Variants in CCDC51 observed in about 807,000 individuals in gnomAD.
CCDC51 encodes coiled-coil domain containing 51.
In CCDC51, 25 loss-of-function variants were observed where a neutral mutation model predicts 24.8. That is an observed-to-expected ratio of 1.01 (90% CI 0.73 to 1.41). CCDC51 has a LOEUF of 1.41. CCDC51 is among the 40% of genes most tolerant of loss of function. CCDC51 has a pLI of 0.00. For missense variants in CCDC51, 466 were observed against 519.1 expected (o/e 0.90, Z 0.99); for synonymous variants, 190 against 204.3 (o/e 0.93, Z 0.60).
the CCDC51 span, chr3:48,446,361 G>C: frequency 6.5e-6 from 1 of 153,884 alleles, no homozygotes; most frequent in African/African-American, 2.4e-5. Flanking sequence ...CCTCAAGAAA[G>C]CCTAGGGGTT....
At chr3:48,438,849 G>C (rs1343542182) in intron 1 of CCDC51, among the ~76,000 whole-genome samples, 1 of 152,160 alleles carries the variant, frequency 6.6e-6, no homozygotes, top group Non-Finnish European at 1.5e-5. Context: ...GTAAAAGCCT[G>C]TCTTTTCCAT....
chr3:48,443,727 C>A, upstream of CCDC51: 1 of 648,390 alleles, frequency 1.5e-6, no homozygotes, highest in Non-Finnish European at 2.5e-6. Context: ...GCTATCCATG[C>A]TTGTGTTAAA....
At chr3:48,442,742 G>A (rs1276282831), upstream of CCDC51, among the ~76,000 whole-genome samples, 1 of 152,002 alleles carries the variant, frequency 6.6e-6, no homozygotes, top group Admixed American at 6.5e-5. Flanking sequence ...GAGCCACCGC[G>A]CCTGGCCCAA....
chr3:48,440,513 G>C, upstream of CCDC51: 1 of 1,607,114 alleles, frequency 6.2e-7, no homozygotes, highest in Non-Finnish European at 8.5e-7. Context: ...AGACAGGCCT[G>C]AGTTGAACAC....
intron 2 of CCDC51, 99 bp downstream of exon 2, chr3:48,434,718 A>C: frequency 8.9e-7 from 1 of 1,129,420 alleles, no homozygotes; most frequent in Non-Finnish European, 1.3e-6. Flanking sequence ...AAATGAGGCT[A>C]AACACAAGTC....
chr3:48,446,477 G>C, the CCDC51 span: 1 of 184,604 alleles, frequency 5.4e-6, no homozygotes, highest in East Asian at 1.4e-4. Context: ...TGCTAGGGCA[G>C]GCTGCTCCTG....
At chr3:48,441,812 G>A (rs1293429514), upstream of CCDC51, among the ~76,000 whole-genome samples, 1 of 152,196 alleles carries the variant, frequency 6.6e-6, no homozygotes, top group East Asian at 1.9e-4. Flanking sequence ...GCCATGCTAG[G>A]CATGATGGAG....
upstream of CCDC51, chr3:48,440,530 C>T (rs377434242): frequency 6.2e-7 from 1 of 1,609,648 alleles, no homozygotes; most frequent in African/African-American, 1.3e-5. Flanking sequence ...ACACGCTCTG[C>T]CTCTCCCCAG....
In CCDC51 at chr3:48,433,118, G is replaced by A. The variant is rs1345454784; in HGVS notation, c.526C>T (p.Arg176Ter). The A allele has an allele frequency of 5.0e-6, 8 of 1,613,652 alleles. No individual in the cohort carries two copies. Among genetic ancestry groups the A allele is most frequent in the South Asian group, 1.1e-5 (1 of 91,088 alleles). ...TAYLRAEDSEREKFSLFSAAV... is the reference protein window; with the variant it reads ...TAYLRAEDSE ...GCAGAGAAGAGGGAGAACTTCTCTCGCTCAGAGTCTTCTGCACGCAGATAG... is the reference window on the plus strand; with the variant it reads ...GCAGAGAAGAGGGAGAACTTCTCTCACTCAGAGTCTTCTGCACGCAGATAG... The change falls in exon 4 of 4, where the codon CGA becomes TGA. Residue 176 changes from arginine (R) to a stop codon, truncating the protein, a stop_gained. Transcript: ENST00000395694. LOFTEE classifies it high-confidence loss of function. The surrounding 1 kb of genome is among the most constrained non-coding windows in gnomAD (Gnocchi z 4.4).
At chr3:48,444,053 CTCA>C (rs1424435341), upstream of CCDC51, 4 of 440,138 alleles carry the variant, frequency 9.1e-6, no homozygotes, top group South Asian at 7.2e-5. Flanking sequence ...CTTACAGTGG[CTCA>C]TCATCTCTTT....
At chr3:48,442,094 T>TGGCGGC (rs918372289), upstream of CCDC51, among the ~76,000 whole-genome samples, 2 of 152,034 alleles carry the variant, frequency 1.3e-5, no homozygotes, top group African/African-American at 4.8e-5. Flanking sequence ...GTGGTGGTGG[T>TGGCGGC]GGCGGCCCGT....
upstream of CCDC51, among the ~76,000 whole-genome samples, chr3:48,445,352 T>A (rs541302904): frequency 6.6e-6 from 1 of 152,224 alleles, no homozygotes; most frequent in African/African-American, 2.4e-5. Context: ...TCATGATTAA[T>A]GTACTAGATA....
At position 48,440,093 on chromosome 3, in the gene CCDC51, T is replaced by A; in HGVS notation, c.-114A>T. On this transcript the variant is annotated 5_prime_UTR_variant, in exon 1 of 4. Transcript: ENST00000395694. ...CTGGCAGGACAACCCTAGCTCCTCG[T>A]ACCTGGCGTGGCCCGACCAATCGTC... 4.9e-6 allele frequency: 4 copies of A among 815,844 alleles called. No homozygotes were observed. The highest frequency in any genetic ancestry group is 3.8e-4 in the Middle Eastern group (1 of 2,654). 50.5% of individuals were successfully genotyped at this position (815,844 alleles called of 1,614,324 possible).
In CCDC51 at chr3:48,434,014, C is replaced by A. The variant is rs963457062; in HGVS notation, c.313-143G>T. The A allele has an allele frequency of 3.6e-5, 52 of 1,436,244 alleles. No individual in the cohort carries two copies. The African/African-American group carries it at 7.1e-4, about 19-fold the overall frequency. 89.0% of individuals were successfully genotyped at this position (1,436,244 alleles called of 1,614,324 possible). A position where few individuals can be genotyped will look rare whatever the true frequency, so the allele number is the denominator to read the frequency against. ...GAAACGGAATTCCTTAGACACTAAT[C>A]CTGGCTCACCCAGTGGTGCTCAAAG... On this transcript the variant is annotated intron_variant, in intron 2 of 3. Transcript: ENST00000395694.
chr3:48,434,190 T>A (rs2039281299), intron 2 of CCDC51, among the ~76,000 whole-genome samples: 2 of 152,224 alleles, frequency 1.3e-5, no homozygotes, highest in African/African-American at 4.8e-5. Flanking sequence ...TGTGTTGCCT[T>A]ATTTATGCCT....
Position 48,433,988 on chromosome 3 carries a change from G to A in CCDC51, c.313-117C>T. The A allele has an allele frequency of 2.0e-6, 3 of 1,483,322 alleles. No individual in the cohort carries two copies. The highest frequency in any genetic ancestry group is 2.7e-6 in the Non-Finnish European group (3 of 1,121,630). 91.9% of individuals were successfully genotyped at this position (1,483,322 alleles called of 1,614,324 possible). On this transcript the variant is annotated intron_variant, in intron 2 of 3. Coordinates refer to ENST00000395694, the MANE Select transcript of CCDC51 (RefSeq NM_001256964.2). This position sits in a 1 kb window ranked among gnomAD's most constrained non-coding sequence, Gnocchi z 4.4. ...CACTGGGGTGTGAGCTGCAAAGGGT[G>A]GAAACGGAATTCCTTAGACACTAAT...
chr3:48,441,123 C>T (rs2039552843), upstream of CCDC51: 1 of 155,254 alleles, frequency 6.4e-6, no homozygotes, highest in African/African-American at 2.4e-5. Flanking sequence ...TCAAGCAATT[C>T]TCCTGCCTCA....
At chr3:48,440,383 C>G, upstream of CCDC51, 1 of 1,611,648 alleles carries the variant, frequency 6.2e-7, no homozygotes, top group Middle Eastern at 1.7e-4. Context: ...GCAGGCCGAA[C>G]GTGCTCGTGT....
chr3:48,439,288 C>G (rs1055751666), intron 1 of CCDC51, among the ~76,000 whole-genome samples: 5 of 152,216 alleles, frequency 3.3e-5, no homozygotes, highest in African/African-American at 1.2e-4. Flanking sequence ...TACTCATCTG[C>G]CTAATCTCTG....
Sources: allele counts gnomAD v4.1 joint callset (sites outside exome capture counted in the v4.1 genomes callset), GRCh38; gene constraint gnomAD v4.1.1; non-coding constraint Gnocchi (gnomAD v3.1); transcripts MANE v1.5; gene names NCBI Gene and HGNC (gene_info 2026-07-23, HGNC 2026-07-21).